USP40: variants seen among roughly 807,000 people sequenced by gnomAD.
USP40 encodes the protein ubiquitin specific peptidase 40.
USP40 carries 143 observed loss-of-function variants against 166.2 expected under a neutral mutation model. The observed-to-expected ratio is 0.86, with a 90% CI of 0.75 to 0.99. USP40 has a LOEUF of 0.99. Among genes scored for constraint, USP40 ranks in the 50% least tolerant of loss-of-function variants. The probability of loss-of-function intolerance (pLI) is 0.00; values close to 1 mark genes in which losing one functional copy is unlikely to be tolerated. For missense variants in USP40, 1,444 were observed against 1,479.7 expected (o/e 0.98, Z 0.40); for synonymous variants, 498 against 524.0 (o/e 0.95, Z 0.68).
At chr2:233,504,134 A>G (rs1291085927) in intron 21 of USP40, among the ~76,000 whole-genome samples, 7 of 152,076 alleles carry the variant, frequency 4.6e-5, no homozygotes, top group Non-Finnish European at 8.8e-5. Flanking sequence ...AACAGTAACC[A>G]CAAAGAAAGA....
chr2:233,536,727 G>A (rs2068963837), intron 10 of USP40, among the ~76,000 whole-genome samples: 1 of 152,146 alleles, frequency 6.6e-6, no homozygotes, highest in Non-Finnish European at 1.5e-5. Context: ...CATACAGTTG[G>A]TCCTCAGTAT....
rs142905217 is a variant in USP40 at position 233,513,616 on chromosome 2, T to C, written c.2384-994A>G. ...TAACCATCTTGCTGGGGGATTGATG[T>C]TATATAACTAAATGGTAGTAATGAA... On this transcript the variant is annotated intron_variant, in intron 18 of 31. Transcript: ENST00000678225. 6.4e-3 allele frequency among the ~76,000 whole-genome samples: 976 copies of C among 152,264 alleles called. 3 individuals are homozygous for C. Among genetic ancestry groups the C allele is most frequent in the African/African-American group, 0.022 (923 of 41,544 alleles).
At chr2:233,541,129 G>T (rs1017263085) in intron 9 of USP40, among the ~76,000 whole-genome samples, 1 of 152,146 alleles carries the variant, frequency 6.6e-6, no homozygotes, top group Admixed American at 6.5e-5. Flanking sequence ...CAAAAACAAA[G>T]ATGATTAATG....
intron 10 of USP40, among the ~76,000 whole-genome samples, chr2:233,538,967 T>C (rs1396660779): frequency 6.6e-6 from 1 of 152,172 alleles, no homozygotes; most frequent in Admixed American, 6.5e-5. Flanking sequence ...AGGTCAAGGC[T>C]GCAGTGGGCT....
At chr2:233,529,795 T>A (rs915606277) in intron 11 of USP40, among the ~76,000 whole-genome samples, 1 of 132,566 alleles carries the variant, frequency 7.5e-6, no homozygotes, top group East Asian at 2.1e-4. Flanking sequence ...TTTCATCTTT[T>A]TTTTTTCTTT....
intron 18 of USP40, among the ~76,000 whole-genome samples, chr2:233,518,173 T>C (rs1442421253): frequency 2.1e-5 from 3 of 139,922 alleles, no homozygotes; most frequent in Non-Finnish European, 4.5e-5. Flanking sequence ...CAATAACCTA[T>C]GGAAAAAATA....
At chr2:233,490,758 C>G (rs1210904944) in intron 26 of USP40, among the ~76,000 whole-genome samples, 2 of 152,186 alleles carry the variant, frequency 1.3e-5, no homozygotes, top group Admixed American at 1.3e-4. Context: ...AGCTGGAGTT[C>G]TAACCTCCTG....
At chr2:233,484,345 A>G (rs1027821724) in intron 30 of USP40, among the ~76,000 whole-genome samples, 2 of 152,240 alleles carry the variant, frequency 1.3e-5, no homozygotes, top group Non-Finnish European at 2.9e-5. Flanking sequence ...ACGTGGCTCT[A>G]ACAGAAGCTT....
At chr2:233,479,366 C>A (rs969957436) in intron 31 of USP40, among the ~76,000 whole-genome samples, 4 of 152,100 alleles carry the variant, frequency 2.6e-5, no homozygotes, top group African/African-American at 9.7e-5. Flanking sequence ...AGATTGAGAC[C>A]ATCCTGGCCA....
chr2:233,498,659 A>G, intron 22 of USP40, 47 bp from the exon 23 acceptor site: 2 of 1,512,426 alleles, frequency 1.3e-6, no homozygotes, highest in Non-Finnish European at 1.8e-6. Context: ...AAGTTAGGTG[A>G]GACGTTGCGT....
At chr2:233,541,487 C>T (rs1478944346) in intron 9 of USP40, among the ~76,000 whole-genome samples, 3 of 152,146 alleles carry the variant, frequency 2.0e-5, no homozygotes, top group Non-Finnish European at 4.4e-5. Flanking sequence ...CAGAAGAAAC[C>T]AAAACTGCCA....
chr2:233,519,332 C>G (rs2067487122), intron 18 of USP40: 1 of 314,134 alleles, frequency 3.2e-6, no homozygotes, highest in Admixed American at 5.1e-5. Flanking sequence ...TATAGTACAA[C>G]ATGAATACAT....
rs972778938 is a variant in USP40 at position 233,477,260 on chromosome 2, C to T, written c.*132G>A. Reference sequence around the variant, plus strand: ...TGCACTGGCCAGGCCTCAGAGGAGCCGTCCCTGTGCTCAAAGGAAGCAGAG... The same window carrying T: ...TGCACTGGCCAGGCCTCAGAGGAGCTGTCCCTGTGCTCAAAGGAAGCAGAG... On this transcript the variant is annotated 3_prime_UTR_variant, in exon 32 of 32. Transcript: ENST00000678225. 18 of 833,202 alleles carry T rather than the reference C, an allele frequency of 2.2e-5. No homozygotes were observed. The highest frequency in any genetic ancestry group is 1.4e-4 in the South Asian group (10 of 69,328). The allele number at this position is 833,202 out of a possible 1,614,324, so 51.6% of individuals were successfully genotyped here.
In USP40 at chr2:233,565,376, T is replaced by C; in HGVS notation, c.179A>G (p.His60Arg). The C allele has an allele frequency of 6.5e-7, 1 of 1,537,204 alleles. No homozygotes were observed. The change falls in exon 2 of 32, where the codon CAT becomes CGT. Residue 60 changes from histidine (H) to arginine (R), a missense_variant. By Grantham distance (29) the His-to-Arg change is conservative. Transcript: ENST00000678225. The part of the protein sequence containing the change: ...CYLNSLLQTL[H>R]FTPEFREALF... Reference sequence around the variant, plus strand: ...CATACCTCTGAATTCAGGTGTGAAATGAAGAGTCTGAAGAAGGGAATTGAG... The same window carrying C: ...CATACCTCTGAATTCAGGTGTGAAACGAAGAGTCTGAAGAAGGGAATTGAG...
intron 21 of USP40, among the ~76,000 whole-genome samples, chr2:233,502,760 T>C (rs146786982): frequency 5.3e-5 from 8 of 151,990 alleles, no homozygotes; most frequent in African/African-American, 1.9e-4. Context: ...GCACACATCA[T>C]TAATGAGGAT....
intron 7 of USP40, among the ~76,000 whole-genome samples, chr2:233,550,782 AC>A (rs2070477170): frequency 6.6e-6 from 1 of 152,058 alleles, no homozygotes; most frequent in Non-Finnish European, 1.5e-5. Context: ...TGTTTTCAAA[AC>A]CTTTTCTTTC....
chr2:233,540,763 T>C lies in USP40; in HGVS notation c.1069A>G (p.Asn357Asp). Residue 357 changes from asparagine to aspartate, a missense_variant, in exon 10 of 32, where the codon AAT becomes GAT. Coordinates refer to ENST00000678225, the MANE Select transcript of USP40 (RefSeq NM_001365479.2). ...AGCTGATCAACAGGAATTAGATTAT[T>C]CTCCTCCTTATGAGAGAAACACAGT... ...ILKAILLEEE[N>D]NLIPVDQLGQ... 1 of 1,611,844 alleles carries C rather than the reference T, an allele frequency of 6.2e-7. No homozygotes were observed.
chr2:233,523,516 G>A (rs755861330), intron 15 of USP40, 27 bp from the exon 16 acceptor site: 1 of 1,585,716 alleles, frequency 6.3e-7, no homozygotes, highest in Non-Finnish European at 8.6e-7. Context: ...ACAACCATTA[G>A]TACAGCTGAT....
At chr2:233,508,194 T>C (rs141000728) in intron 21 of USP40, among the ~76,000 whole-genome samples, 1 of 152,358 alleles carries the variant, frequency 6.6e-6, no homozygotes, top group Non-Finnish European at 1.5e-5. Context: ...TTATGACAGC[T>C]AAAAAATTAA....
Sources: gnomAD v4.1 joint callset for allele counts (sites outside exome capture counted in the v4.1 genomes callset) on GRCh38, gnomAD v4.1.1 for gene constraint, MANE v1.5 for transcripts, NCBI Gene and HGNC (gene_info 2026-07-23, HGNC 2026-07-21) for gene names.